FIRRM: variants seen among roughly 807,000 people sequenced by gnomAD.
FIRRM encodes the protein FIGNL1-interacting regulator of recombination and mitosis.
the FIRRM span, chr1:169,796,009 T>C: frequency 2.1e-6 from 2 of 973,152 alleles, no homozygotes; most frequent in East Asian, 1.1e-4. Flanking sequence ...ATGTATCTTT[T>C]TCACAACATT....
the FIRRM span, among the ~76,000 whole-genome samples, chr1:169,831,641 A>G: frequency 1.3e-5 from 2 of 152,222 alleles, no homozygotes; most frequent in Admixed American, 1.3e-4. Context: ...TTAGTGCATT[A>G]TGTTGTAGGA....
the FIRRM span, chr1:169,821,724 C>T: frequency 1.2e-6 from 2 of 1,611,446 alleles, no homozygotes; most frequent in South Asian, 1.1e-5. Context: ...CAAATTGTGT[C>T]GTTTTTTTGC....
the FIRRM span, among the ~76,000 whole-genome samples, chr1:169,790,198 G>C: frequency 6.7e-6 from 1 of 150,208 alleles, no homozygotes; most frequent in South Asian, 2.1e-4. Context: ...TTTTTTTGTT[G>C]AGAGAGTCTT....
chr1:169,848,308 T>C, the FIRRM span, among the ~76,000 whole-genome samples: 1 of 152,290 alleles, frequency 6.6e-6, no homozygotes, highest in South Asian at 2.1e-4. Context: ...AGTAAATGTA[T>C]ATTACCAGGC....
the FIRRM span, chr1:169,851,805 G>T: frequency 6.2e-7 from 1 of 1,610,600 alleles, no homozygotes; most frequent in South Asian, 1.1e-5. Context: ...GGTTTTTCAT[G>T]GTCCCTGGCA....
chr1:169,835,372 T>C, the FIRRM span, among the ~76,000 whole-genome samples: 2 of 152,202 alleles, frequency 1.3e-5, no homozygotes, highest in Admixed American at 1.3e-4. Flanking sequence ...CTATTAGTAG[T>C]ATTCCATTGT....
the FIRRM span, among the ~76,000 whole-genome samples, chr1:169,798,276 CTCTT>C: frequency 1.4e-5 from 2 of 147,976 alleles, no homozygotes; most frequent in African/African-American, 4.9e-5. Flanking sequence ...AAGACCGTCT[CTCTT>C]TTTTTTTTTT....
the FIRRM span, among the ~76,000 whole-genome samples, chr1:169,801,468 G>C: frequency 1.0e-5 from 1 of 95,956 alleles, no homozygotes; most frequent in Non-Finnish European, 2.2e-5. Flanking sequence ...AAAAAAAAAA[G>C]AACTTATATT....
chr1:169,828,391 A>G, the FIRRM span, among the ~76,000 whole-genome samples: 1 of 152,124 alleles, frequency 6.6e-6, no homozygotes, highest in Admixed American at 6.6e-5. Context: ...TCAGCTTTGG[A>G]TTTAAAGCCT....
the FIRRM span, among the ~76,000 whole-genome samples, chr1:169,835,181 A>G: frequency 6.6e-6 from 1 of 152,228 alleles, no homozygotes; most frequent in Admixed American, 6.5e-5. Context: ...TTTTTTTACG[A>G]GTGATGTCAC....
chr1:169,836,419 A>G, the FIRRM span, among the ~76,000 whole-genome samples: 3 of 152,276 alleles, frequency 2.0e-5, no homozygotes, highest in Non-Finnish European at 2.9e-5. Context: ...TACCTTTGTG[A>G]AACTGATTTA....
chr1:169,823,107 C>T, the FIRRM span, among the ~76,000 whole-genome samples: 2 of 151,684 alleles, frequency 1.3e-5, no homozygotes, highest in South Asian at 2.1e-4. Flanking sequence ...CAAAATTAGC[C>T]GGGCATGGTG....
chr1:169,809,514 A>C, the FIRRM span, among the ~76,000 whole-genome samples: 1 of 152,212 alleles, frequency 6.6e-6, no homozygotes, highest in Non-Finnish European at 1.5e-5. Context: ...ACTTGGACCA[A>C]GAGTAAGATG....
the FIRRM span, among the ~76,000 whole-genome samples, chr1:169,817,519 A>G: frequency 5.3e-5 from 8 of 152,302 alleles, no homozygotes; most frequent in African/African-American, 1.9e-4. Context: ...TGCCAATAAC[A>G]TATTTATACA....
At chr1:169,818,764 G>A in the FIRRM span, among the ~76,000 whole-genome samples, 788 of 152,268 alleles carry the variant, frequency 5.2e-3, 9 homozygotes, top group African/African-American at 0.018. Flanking sequence ...TTAGCTCACT[G>A]CAACCTCCGC....
the FIRRM span, among the ~76,000 whole-genome samples, chr1:169,814,026 T>C: frequency 1.0e-3 from 152 of 152,328 alleles, no homozygotes; most frequent in African/African-American, 3.6e-3. Flanking sequence ...ACAAGTTGTT[T>C]ACAATTTGAT....
At chr1:169,846,827 T>A in the FIRRM span, among the ~76,000 whole-genome samples, 3 of 152,182 alleles carry the variant, frequency 2.0e-5, no homozygotes, top group Non-Finnish European at 4.4e-5. Flanking sequence ...TTCATTTCCT[T>A]CAAGAACTTT....
chr1:169,821,624 A>G, the FIRRM span: 3 of 1,286,312 alleles, frequency 2.3e-6, no homozygotes, highest in African/African-American at 1.5e-5. Flanking sequence ...AAGCTTAGCT[A>G]ATTTTATATT....
At chr1:169,801,510 T>A in the FIRRM span, among the ~76,000 whole-genome samples, 1 of 148,864 alleles carries the variant, frequency 6.7e-6, no homozygotes, top group Non-Finnish European at 1.5e-5. Context: ...ACTAACTGAA[T>A]TTAAATTATT....
Sources: gnomAD v4.1 joint callset for allele counts (sites outside exome capture counted in the v4.1 genomes callset) on GRCh38, gnomAD v4.1.1 for gene constraint, MANE v1.5 for transcripts, NCBI Gene and HGNC (gene_info 2026-07-23, HGNC 2026-07-21) for gene names.